Variants in GULP1 observed in about 807,000 individuals in gnomAD.
The protein encoded by GULP1 is GULP PTB domain containing engulfment adaptor 1.
Under a neutral mutation model 40.9 loss-of-function variants are expected in GULP1, and 19 were observed. That is an observed-to-expected ratio of 0.46 (90% confidence interval 0.32 to 0.68). The LOEUF is 0.68. Among genes scored for constraint, GULP1 ranks in the 30% least tolerant of loss-of-function variants. The pLI is 0.03. For synonymous variants in GULP1, 119 were observed against 117.6 expected, an observed-to-expected ratio of 1.01 and a Z score of -0.08; for missense variants, 312 against 362.2, an observed-to-expected ratio of 0.86 and a Z score of 1.12.
At chr2:188,372,561 T>C (rs1036862481) in intron 1 of GULP1, among the ~76,000 whole-genome samples, 1 of 152,184 alleles carries the variant, frequency 6.6e-6, no homozygotes, top group Non-Finnish European at 1.5e-5. Context: ...AGTGTTTTCA[T>C]ACATGAACTC....
intron 2 of GULP1, among the ~76,000 whole-genome samples, chr2:188,392,644 G>A (rs903294104): frequency 6.6e-6 from 1 of 151,830 alleles, no homozygotes; most frequent in Non-Finnish European, 1.5e-5. Flanking sequence ...TTTGAGTTTG[G>A]TTTGTTCTTG....
intron 2 of GULP1, among the ~76,000 whole-genome samples, chr2:188,461,244 T>C (rs1458124504): frequency 6.6e-6 from 1 of 152,136 alleles, no homozygotes; most frequent in Non-Finnish European, 1.5e-5. Context: ...AGGATTGGTA[T>C]TAGCTCTTCT....
chr2:188,341,252 G>A (rs1262798612), intron 1 of GULP1, among the ~76,000 whole-genome samples: 2 of 152,006 alleles, frequency 1.3e-5, no homozygotes, highest in Non-Finnish European at 2.9e-5. Flanking sequence ...GCAGGAGCAG[G>A]CACATCGCAT....
intron 4 of GULP1, among the ~76,000 whole-genome samples, chr2:188,515,661 T>C (rs910713297): frequency 6.6e-6 from 1 of 151,710 alleles, no homozygotes; most frequent in Non-Finnish European, 1.5e-5. Context: ...GTCTGTGATC[T>C]AGACATAAAA....
chr2:188,551,415 AT>A (rs1381159262), intron 7 of GULP1, among the ~76,000 whole-genome samples: 1 of 151,796 alleles, frequency 6.6e-6, no homozygotes, highest in African/African-American at 2.4e-5. Flanking sequence ...AAATAAGAGC[AT>A]GCAATATTTG....
intron 2 of GULP1, among the ~76,000 whole-genome samples, chr2:188,388,769 A>T (rs2152536760): frequency 6.6e-6 from 1 of 152,284 alleles, no homozygotes; most frequent in Non-Finnish European, 1.5e-5. Context: ...GGAGTTTATA[A>T]TGTAGCAGAT....
At chr2:188,469,641 A>G (rs1165330034) in intron 2 of GULP1, among the ~76,000 whole-genome samples, 2 of 152,144 alleles carry the variant, frequency 1.3e-5, no homozygotes, top group African/African-American at 4.8e-5. Flanking sequence ...CCAGATTTCA[A>G]AGGAAAGGCT....
intron 2 of GULP1, among the ~76,000 whole-genome samples, chr2:188,401,219 T>A (rs570897402): frequency 6.6e-6 from 1 of 152,018 alleles, no homozygotes; most frequent in African/African-American, 2.4e-5. Context: ...AATAATGACA[T>A]ATAGAAATAA....
At chr2:188,358,181 AAACAACAAC>A (rs201363968) in intron 1 of GULP1, among the ~76,000 whole-genome samples, 9 of 151,688 alleles carry the variant, frequency 5.9e-5, no homozygotes, top group South Asian at 4.2e-4. Flanking sequence ...ACTCCATCTC[AAACAACAAC>A]AACAACAACA....
chr2:188,428,638 C>T (rs1292894981), intron 2 of GULP1, among the ~76,000 whole-genome samples: 2 of 152,142 alleles, frequency 1.3e-5, no homozygotes, highest in African/African-American at 4.8e-5. Context: ...TCCCTGTTGG[C>T]TTTCTTCCAT....
chr2:188,581,897 A>G (rs980626730), intron 9 of GULP1, among the ~76,000 whole-genome samples: 2 of 152,176 alleles, frequency 1.3e-5, no homozygotes, highest in African/African-American at 2.4e-5. Context: ...TATAAAATGT[A>G]TGTTGTAATC....
rs1379064943 is a variant in GULP1, at chr2:188,516,100, G to A, written c.91-6656G>A. 2.0e-5 allele frequency among the ~76,000 whole-genome samples: 3 copies of A among 152,080 alleles called. No individual in the cohort carries two copies. In the East Asian group the frequency reaches 5.8e-4, roughly 29 times the overall value. On this transcript the variant is annotated intron_variant, in intron 4 of 11. Transcript: ENST00000409830. ...TGCTGTGCTTTTATTCGTCATATCTGTAGTGGCCATCAACACCCTCCTGAC... is the reference window on the plus strand; with the variant it reads ...TGCTGTGCTTTTATTCGTCATATCTATAGTGGCCATCAACACCCTCCTGAC...
chr2:188,569,508 C>A, intron 8 of GULP1, 153 bp downstream of exon 8: 1 of 643,670 alleles, frequency 1.6e-6, no homozygotes, highest in Non-Finnish European at 2.8e-6. Context: ...TTTTTCGTTC[C>A]TGATCCCCTG....
At chr2:188,394,153 A>G (rs556480301) in intron 2 of GULP1, among the ~76,000 whole-genome samples, 1 of 152,272 alleles carries the variant, frequency 6.6e-6, no homozygotes, top group East Asian at 1.9e-4. Flanking sequence ...TCCCTTAGGA[A>G]CACCAGTTAT....
chr2:188,487,305 T>G (rs557101943), intron 4 of GULP1, among the ~76,000 whole-genome samples: 22 of 152,038 alleles, frequency 1.4e-4, no homozygotes, highest in Non-Finnish European at 3.1e-4. Context: ...TTTATCCTTT[T>G]ATGAAAAATC....
chr2:188,417,926 G>A (rs576989238), intron 2 of GULP1, among the ~76,000 whole-genome samples: 1 of 152,112 alleles, frequency 6.6e-6, no homozygotes, highest in East Asian at 1.9e-4. Flanking sequence ...AAGTAGCTGG[G>A]ACTTACAGAC....
intron 2 of GULP1, among the ~76,000 whole-genome samples, chr2:188,464,012 C>T (rs2059922539): frequency 6.6e-6 from 1 of 152,050 alleles, no homozygotes; most frequent in East Asian, 1.9e-4. Flanking sequence ...GGATTGTTCC[C>T]TGATGTCTTA....
chr2:188,560,807 A>G (rs1317474716), intron 7 of GULP1, among the ~76,000 whole-genome samples: 1 of 152,162 alleles, frequency 6.6e-6, no homozygotes, highest in Non-Finnish European at 1.5e-5. Context: ...GATGGAGGGT[A>G]ATGAGGAGGT....
Position 188,379,451 on chromosome 2 carries a change from T to C in GULP1, c.-171-4312T>C, listed in dbSNP as rs538399396. 8.5e-5 allele frequency among the ~76,000 whole-genome samples: 13 copies of C among 152,328 alleles called. No homozygotes were observed. In the South Asian group the frequency reaches 2.7e-3, roughly 32 times the overall value. ...ATATAAATTAAATTATAAAGATCTT[T>C]TCAGTTTTACATCTTATAAATATGA... On this transcript the variant is annotated intron_variant, in intron 1 of 11. Coordinates refer to ENST00000409830, the MANE Select transcript of GULP1 (RefSeq NM_016315.4).
Sources: gnomAD v4.1 joint callset for allele counts (sites outside exome capture counted in the v4.1 genomes callset) on GRCh38, gnomAD v4.1.1 for gene constraint, MANE v1.5 for transcripts, NCBI Gene and HGNC (gene_info 2026-07-23, HGNC 2026-07-21) for gene names.